Variants in CCDC88C observed in about 807,000 individuals in gnomAD.
The protein encoded by CCDC88C is protein Daple.
In CCDC88C, 131 loss-of-function variants were observed where a neutral mutation model predicts 198.8. That is an observed-to-expected ratio of 0.66 (90% CI 0.57 to 0.76). CCDC88C has a LOEUF of 0.76. CCDC88C is among the 30% of genes least tolerant of loss of function. The pLI, the probability that CCDC88C is intolerant of heterozygous loss-of-function variation, is 0.00. For missense variants in CCDC88C, 2,553 were observed against 2,631.6 expected (o/e 0.97, Z 0.65); for synonymous variants, 1,166 against 1,114.7 (o/e 1.05, Z -0.92).
intron 23 of CCDC88C, among the ~76,000 whole-genome samples, chr14:91,293,567 G>GA (rs1567055921): frequency 1.5e-3 from 25 of 16,134 alleles, no homozygotes; most frequent in Non-Finnish European, 2.6e-3. Flanking sequence ...CGCCTGCCAC[G>GA]GCCCACCTTC....
chr14:91,400,513 C>T (rs933448241), intron 3 of CCDC88C, among the ~76,000 whole-genome samples: 47 of 152,360 alleles, frequency 3.1e-4, no homozygotes, highest in African/African-American at 1.1e-3. Flanking sequence ...GAGCTGGACT[C>T]CCGGCCACAG....
At chr14:91,369,229 C>T (rs965043355) in intron 3 of CCDC88C, among the ~76,000 whole-genome samples, 2 of 152,200 alleles carry the variant, frequency 1.3e-5, no homozygotes. Flanking sequence ...TGTGGCCCAA[C>T]CCCAGCCAAT....
At chr14:91,317,077 C>T (rs1200232795) in intron 13 of CCDC88C, among the ~76,000 whole-genome samples, 1 of 152,236 alleles carries the variant, frequency 6.6e-6, no homozygotes, top group African/African-American at 2.4e-5. Context: ...CCCCAAAGGG[C>T]TGCCCCTCTT....
chr14:91,417,073 C>T (rs772589711), intron 1 of CCDC88C: 5 of 702,552 alleles, frequency 7.1e-6, no homozygotes, highest in Non-Finnish European at 1.3e-5. Flanking sequence ...ACTTTTCTCC[C>T]GCGTTCCAGA....
chr14:91,296,101 T>G (rs1451820310), intron 22 of CCDC88C, among the ~76,000 whole-genome samples: 1 of 152,150 alleles, frequency 6.6e-6, no homozygotes, highest in Non-Finnish European at 1.5e-5. Context: ...TTGAGGTCTT[T>G]TGCTCCTCCA....
chr14:91,339,777 A>C lies in CCDC88C; in HGVS notation c.624+107T>G, dbSNP rs1893228986. ...AGCACGCACGTCCCACCCCCACCAG[A>C]ACCTCAGCAGCAGGACCGAGGCGTC... is the stretch of plus-strand genomic sequence containing the variant. On this transcript the variant is annotated intron_variant, in intron 7 of 29. Transcript: ENST00000389857. This position sits in a 1 kb window ranked among gnomAD's most constrained non-coding sequence, Gnocchi z 5.8. 1 of 1,318,670 alleles carries C rather than the reference A, an allele frequency of 7.6e-7. No homozygotes were observed. Among genetic ancestry groups the C allele is most frequent in the African/African-American group, 1.5e-5 (1 of 67,230 alleles). 81.7% of individuals were successfully genotyped at this position (1,318,670 alleles called of 1,614,324 possible).
chr14:91,390,158 C>T (rs888542231), intron 3 of CCDC88C, among the ~76,000 whole-genome samples: 1 of 151,782 alleles, frequency 6.6e-6, no homozygotes, highest in Non-Finnish European at 1.5e-5. Context: ...GCCATGGTTA[C>T]TTTGTTCCCT....
chr14:91,370,197 C>T (rs761034442), intron 3 of CCDC88C, among the ~76,000 whole-genome samples: 1 of 152,188 alleles, frequency 6.6e-6, no homozygotes, highest in Non-Finnish European at 1.5e-5. Context: ...TGAGCCACAC[C>T]CTCATCTGTA....
chr14:91,337,630 T>A (rs1422819805), intron 10 of CCDC88C, among the ~76,000 whole-genome samples: 1 of 152,262 alleles, frequency 6.6e-6, no homozygotes, highest in African/African-American at 2.4e-5. Flanking sequence ...CGTGAGCCGC[T>A]GCACCCGGTT....
intron 4 of CCDC88C, among the ~76,000 whole-genome samples, chr14:91,358,924 G>A (rs1203010640): frequency 6.6e-6 from 1 of 152,154 alleles, no homozygotes; most frequent in Non-Finnish European, 1.5e-5. Context: ...CCGTCACCGA[G>A]CATGAACCTC....
intron 5 of CCDC88C, among the ~76,000 whole-genome samples, 168 bp from the exon 6 acceptor site, chr14:91,342,631 A>G (rs1893358232): frequency 6.6e-6 from 1 of 152,222 alleles, no homozygotes; most frequent in Non-Finnish European, 1.5e-5. Flanking sequence ...ATGTGTCTCT[A>G]GTGGTTGCCA....
chr14:91,399,993 G>A (rs1234944101), intron 3 of CCDC88C, among the ~76,000 whole-genome samples: 1 of 151,910 alleles, frequency 6.6e-6, no homozygotes, highest in Admixed American at 6.6e-5. Context: ...CTCTTCCCCA[G>A]AGGACACCCC....
intron 2 of CCDC88C, among the ~76,000 whole-genome samples, chr14:91,413,059 C>T (rs186021072): frequency 2.0e-5 from 3 of 152,242 alleles, no homozygotes; most frequent in Admixed American, 6.5e-5. Flanking sequence ...TTGCAGCTAG[C>T]ACCAGGGGTC....
chr14:91,290,919 G>T, intron 24 of CCDC88C, 76 bp downstream of exon 24: 1 of 863,186 alleles, frequency 1.2e-6, no homozygotes, highest in African/African-American at 1.7e-5. Context: ...TGCCCTAGAT[G>T]GCTGCTTTCA....
chr14:91,287,740 C>A (rs1890476782), intron 25 of CCDC88C, among the ~76,000 whole-genome samples: 1 of 148,414 alleles, frequency 6.7e-6, no homozygotes, highest in African/African-American at 2.5e-5. Flanking sequence ...CAGAGGGTAG[C>A]CTGTCGCTGG....
intron 3 of CCDC88C, among the ~76,000 whole-genome samples, chr14:91,392,495 T>C (rs1444248618): frequency 6.6e-6 from 1 of 152,176 alleles, no homozygotes; most frequent in Non-Finnish European, 1.5e-5. Context: ...AATTCCTTTC[T>C]GTTCAAAAGG....
chr14:91,375,526 G>A (rs1008576578), intron 3 of CCDC88C, among the ~76,000 whole-genome samples: 31 of 152,174 alleles, frequency 2.0e-4, no homozygotes, highest in Admixed American at 1.9e-3. Flanking sequence ...GAGCGTTTTC[G>A]GGGAAGGAGG....
chr14:91,312,927 C>T lies in CCDC88C; in HGVS notation c.2736+153G>A, dbSNP rs139310081. 1.9e-3 allele frequency among the ~76,000 whole-genome samples: 285 copies of T among 152,320 alleles called. 1 individual carries two copies. Among genetic ancestry groups the T allele is most frequent in the African/African-American group, 6.5e-3 (269 of 41,540 alleles). On this transcript the variant is annotated intron_variant, in intron 15 of 29. Transcript: ENST00000389857. ...GTAAGATTGTAATACGTGGTATTCA[C>T]TGGGTTCTTAGACCTTTAGGTATTG...
At chr14:91,384,615 C>T (rs1596141340) in intron 3 of CCDC88C, 1 of 410,636 alleles carries the variant, frequency 2.4e-6, no homozygotes, top group Non-Finnish European at 4.9e-6. Context: ...TTGTGCTGCA[C>T]ACTACGCACT....
Sources: allele counts gnomAD v4.1 joint callset (sites outside exome capture counted in the v4.1 genomes callset), GRCh38; gene constraint gnomAD v4.1.1; non-coding constraint Gnocchi (gnomAD v3.1); transcripts MANE v1.5; gene names NCBI Gene and HGNC (gene_info 2026-07-23, HGNC 2026-07-21).